Variants in CHKA observed in about 807,000 individuals in gnomAD.
The protein encoded by CHKA is CHETK-alpha.
In CHKA, 34 loss-of-function variants were observed where a neutral mutation model predicts 60.1. The ratio of observed to expected loss-of-function variants is 0.57; its 90% confidence interval spans 0.43 to 0.75. The LOEUF (loss-of-function observed/expected upper bound fraction) is 0.75. Among genes scored for constraint, CHKA ranks in the 30% least tolerant of loss-of-function variants. The pLI, the probability that CHKA is intolerant of heterozygous loss-of-function variation, is 0.00. For missense variants in CHKA, 563 were observed against 561.3 expected (o/e 1.00, Z -0.03); for synonymous variants, 217 against 223.1 (o/e 0.97, Z 0.24).
chr11:68,094,220 A>C (rs904849815), intron 2 of CHKA, among the ~76,000 whole-genome samples: 12 of 152,262 alleles, frequency 7.9e-5, no homozygotes, highest in Admixed American at 7.8e-4. Flanking sequence ...TGCAGAACGT[A>C]AACAGTCCTC....
intron 2 of CHKA, among the ~76,000 whole-genome samples, chr11:68,092,806 T>C (rs1481479797): frequency 6.6e-6 from 1 of 152,076 alleles, no homozygotes; most frequent in Non-Finnish European, 1.5e-5. Context: ...AAGTTTAAAC[T>C]ACAACCAAAA....
intron 2 of CHKA, chr11:68,082,619 C>G (rs193217168): frequency 2.0e-5 from 3 of 152,698 alleles, no homozygotes; most frequent in Admixed American, 1.3e-4. Flanking sequence ...TTTAAAGCAA[C>G]CACTCATCCA....
intron 2 of CHKA, among the ~76,000 whole-genome samples, chr11:68,084,038 A>C (rs1050785404): frequency 5.3e-5 from 8 of 151,952 alleles, no homozygotes; most frequent in African/African-American, 7.3e-5. Context: ...TCAGGTCAGG[A>C]GCTTGAGATC....
At chr11:68,108,517 G>A (rs1267593040) in intron 1 of CHKA, among the ~76,000 whole-genome samples, 1 of 152,212 alleles carries the variant, frequency 6.6e-6, no homozygotes, top group Non-Finnish European at 1.5e-5. Flanking sequence ...GGCCAAGGCG[G>A]GAGGATCACG....
intron 1 of CHKA, among the ~76,000 whole-genome samples, chr11:68,114,456 G>A (rs1160952261): frequency 6.6e-6 from 1 of 152,142 alleles, no homozygotes; most frequent in African/African-American, 2.4e-5. Flanking sequence ...CCAACACCTT[G>A]GGAGGCCAAG....
rs191036948 is a variant in CHKA at position 68,112,318 on chromosome 11, G to A, written c.350+8510C>T. The stretch of plus-strand genomic sequence containing the variant: ...TCGCAACAGTCTGGAGTGCAGTGCC[G>A]CAATCCAGGCTCACTGCAACCTCCG... On this transcript the variant is annotated intron_variant, in intron 1 of 11. Transcript: ENST00000265689. Among the ~76,000 whole-genome samples, 792 of 152,002 alleles carry A rather than the reference G, an allele frequency of 5.2e-3. 2 individuals carry two copies. The highest frequency in any genetic ancestry group is 0.015 in the African/African-American group (605 of 41,460).
chr11:68,114,283 T>C (rs1351788084), intron 1 of CHKA, among the ~76,000 whole-genome samples: 1 of 152,204 alleles, frequency 6.6e-6, no homozygotes, highest in Non-Finnish European at 1.5e-5. Context: ...TATTCATAAT[T>C]GCCAAAACCG....
intron 11 of CHKA, among the ~76,000 whole-genome samples, chr11:68,060,551 T>C (rs549197040): frequency 3.9e-5 from 6 of 152,186 alleles, no homozygotes; most frequent in Non-Finnish European, 8.8e-5. Flanking sequence ...CCTCAAGTGA[T>C]CCAACCACCT....
rs187957797 is a variant in CHKA at position 68,097,032 on chromosome 11, G to A, written c.449C>T (p.Ala150Val). ...PRKVLLRLYG[A>V]ILQMRSCNKE... ...CTACCAACTCACCATCTGCAAAATC[G>A]CTCCATACAGCCGCAGGAGCACTTT... Residue 150 changes from alanine to valine, a missense_variant, in exon 2 of 12, where the codon GCG (alanine) becomes GTG (valine). By Grantham distance (64) the Ala-to-Val change is moderately conservative (BLOSUM62 0). Transcript: ENST00000265689. 23 of 1,611,372 alleles carry A rather than the reference G, an allele frequency of 1.4e-5. No homozygotes were observed. In the Admixed American group the frequency reaches 2.2e-4, roughly 15 times the overall value.
intron 1 of CHKA, among the ~76,000 whole-genome samples, chr11:68,113,588 CAGG>C (rs1444009849): frequency 3.3e-5 from 5 of 152,164 alleles, no homozygotes; most frequent in African/African-American, 1.2e-4. Context: ...CCCAGCTACT[CAGG>C]AGGCTGAGGC....
chr11:68,097,433 G>C (rs1857552386), intron 1 of CHKA, among the ~76,000 whole-genome samples: 1 of 152,064 alleles, frequency 6.6e-6, no homozygotes. Context: ...AAGGAATCTA[G>C]ACCATCCTGG....
chr11:68,106,378 C>T (rs561437327), intron 1 of CHKA, among the ~76,000 whole-genome samples: 1 of 152,194 alleles, frequency 6.6e-6, no homozygotes, highest in East Asian at 1.9e-4. Context: ...TAACAAGACT[C>T]GATCTCTACA....
chr11:68,074,589 T>C, intron 4 of CHKA, 128 bp downstream of exon 4: 1 of 764,962 alleles, frequency 1.3e-6, no homozygotes, highest in Non-Finnish European at 2.3e-6. Flanking sequence ...TGATTTCTGA[T>C]ACAGTTTAAT....
At chr11:68,057,672 C>A (rs892535523) in intron 11 of CHKA, among the ~76,000 whole-genome samples, 10 of 152,124 alleles carry the variant, frequency 6.6e-5, no homozygotes, top group African/African-American at 2.4e-4. Context: ...ATAGTTTTAG[C>A]CTTCACATTT....
chr11:68,095,989 G>A (rs1359264376), intron 2 of CHKA, among the ~76,000 whole-genome samples: 1 of 151,332 alleles, frequency 6.6e-6, no homozygotes, highest in African/African-American at 2.4e-5. Context: ...GCAGTGAGCC[G>A]AGATCGTGCC....
chr11:68,081,027 T>G (rs1368601522), intron 3 of CHKA, among the ~76,000 whole-genome samples: 2 of 152,214 alleles, frequency 1.3e-5, no homozygotes, highest in African/African-American at 4.8e-5. Flanking sequence ...GTGACCCGCT[T>G]CCTGATGGGA....
At chr11:68,069,820 T>C (rs961983045) in intron 6 of CHKA, among the ~76,000 whole-genome samples, 3 of 152,168 alleles carry the variant, frequency 2.0e-5, no homozygotes, top group South Asian at 2.1e-4. Flanking sequence ...AAAGCCAAGG[T>C]TGAACTGTAA....
intron 1 of CHKA, among the ~76,000 whole-genome samples, chr11:68,113,930 G>A (rs1320932923): frequency 3.9e-5 from 6 of 151,984 alleles, no homozygotes; most frequent in Non-Finnish European, 8.8e-5. Flanking sequence ...AGCGGAGGTT[G>A]CAGCAAGCCG....
intron 1 of CHKA, among the ~76,000 whole-genome samples, chr11:68,119,113 A>T (rs1373342544): frequency 6.6e-6 from 1 of 152,232 alleles, no homozygotes; most frequent in Non-Finnish European, 1.5e-5. Context: ...GCCTAACTAA[A>T]AGTAGATTAA....
Sources: allele counts gnomAD v4.1 joint callset (sites outside exome capture counted in the v4.1 genomes callset), GRCh38; gene constraint gnomAD v4.1.1; transcripts MANE v1.5; gene names NCBI Gene and HGNC (gene_info 2026-07-23, HGNC 2026-07-21).